SUGP2: variants seen among roughly 807,000 people sequenced by gnomAD.
SUGP2 encodes the protein SURP and G-patch domain-containing protein 2.
In SUGP2, 24 loss-of-function variants were observed where a neutral mutation model predicts 90.5. The observed-to-expected ratio is 0.27, with a 90% CI of 0.19 to 0.37. The LOEUF (loss-of-function observed/expected upper bound fraction) is 0.37. SUGP2 is among the 10% of genes least tolerant of loss of function. The pLI is 1.00. For synonymous variants in SUGP2, 473 were observed against 513.4 expected, an observed-to-expected ratio of 0.92 and a Z score of 1.06; for missense variants, 1,233 against 1,363.3, an observed-to-expected ratio of 0.90 and a Z score of 1.51.
chr19:18,997,279 G>A (rs2057637006), intron 8 of SUGP2, among the ~76,000 whole-genome samples: 1 of 151,904 alleles, frequency 6.6e-6, no homozygotes, highest in Admixed American at 6.6e-5. Context: ...GCTGAGCCTG[G>A]GGGAGCCAGG....
chr19:19,015,180 G>A (rs550294648), intron 4 of SUGP2, among the ~76,000 whole-genome samples: 1 of 150,122 alleles, frequency 6.7e-6, no homozygotes, highest in South Asian at 2.1e-4. Context: ...CCAGCCTGGG[G>A]GACAGAGCGA....
intron 4 of SUGP2, among the ~76,000 whole-genome samples, chr19:19,018,859 G>A (rs554935867): frequency 6.6e-6 from 1 of 152,244 alleles, no homozygotes; most frequent in African/African-American, 2.4e-5. Flanking sequence ...CCTTAAAACA[G>A]CCCAGCAGGG....
chr19:19,012,555 C>A (rs975012780), intron 4 of SUGP2, among the ~76,000 whole-genome samples: 3 of 152,206 alleles, frequency 2.0e-5, no homozygotes, highest in Non-Finnish European at 2.9e-5. Context: ...TAGCTGGGAA[C>A]CTTTCTGTGC....
Position 18,994,722 on chromosome 19 carries a change from C to G in SUGP2, c.3129-236G>C. The G allele has an allele frequency of 5.3e-6, 3 of 569,312 alleles. No homozygotes were observed. In the South Asian group the frequency reaches 6.4e-5, roughly 12 times the overall value. The allele number at this position is 569,312 out of a possible 1,614,324, so 35.3% of individuals were successfully genotyped here. A position where few individuals can be genotyped will look rare whatever the true frequency, so the allele number is the denominator to read the frequency against. ...CCTGGTTACCTCGGAATGCCTTACC[C>G]AGCAGGAACTAAGCTCAGTATTAAA... On this transcript the variant is annotated intron_variant, in intron 9 of 10. Coordinates refer to ENST00000452918, the MANE Select transcript of SUGP2 (RefSeq NM_001017392.5).
At position 19,008,418 on chromosome 19, in the gene SUGP2, C is replaced by T; in HGVS notation, c.2349G>A (p.Lys783=). 6.2e-7 allele frequency: 1 copy of T among 1,613,964 alleles called. No individual in the cohort carries two copies. Among genetic ancestry groups the T allele is most frequent in the Non-Finnish European group, 8.5e-7 (1 of 1,179,828 alleles). Residue 783 remains lysine (K), a synonymous_variant, in exon 6 of 11, where the codon AAG becomes AAA. Transcript: ENST00000452918. ...CCAGTTTCTCTGCAGTCTCCATTGT[C>T]TTCATGTCAACTACAAAACATAAAG... ...SPCPSADIDM[K]TMETAEKLAR...
rs755198966 is a variant in SUGP2, at chr19:19,031,254, C to T, written c.-11-172G>A. Reference sequence around the variant, plus strand: ...GAAACTAAAATACAAAAAATTCAGGCTGGGTGTGGTGGCTCACACCTGTAA... The same window carrying T: ...GAAACTAAAATACAAAAAATTCAGGTTGGGTGTGGTGGCTCACACCTGTAA... On this transcript the variant is annotated intron_variant, in intron 1 of 10. Transcript: ENST00000452918. 4.5e-6 allele frequency: 3 copies of T among 668,272 alleles called. No homozygotes were observed. In the East Asian group the frequency reaches 8.4e-5, roughly 19 times the overall value. The allele number at this position is 668,272 out of a possible 1,614,324, so 41.4% of individuals were successfully genotyped here.
At position 19,033,513 on chromosome 19, in the gene SUGP2, G is replaced by T; in HGVS notation, c.-88C>A. On this transcript the variant is annotated 5_prime_UTR_variant, in exon 1 of 11. Coordinates refer to ENST00000452918, the MANE Select transcript of SUGP2 (RefSeq NM_001017392.5). ...CCCGCCGCCGCCGCCGCGCGAGGCG[G>T]GGACATGCAAATGAACCAACGGTCT... The T allele has an allele frequency of 1.4e-6, 2 of 1,404,744 alleles. No individual in the cohort carries two copies. The highest frequency in any genetic ancestry group is 1.4e-5 in the South Asian group (1 of 73,956). The allele number at this position is 1,404,744 out of a possible 1,614,324, so 87.0% of individuals were successfully genotyped here.
At chr19:19,030,927 T>A (rs1026610275) in intron 2 of SUGP2, 24 bp downstream of exon 2, 5 of 1,600,242 alleles carry the variant, frequency 3.1e-6, no homozygotes, top group South Asian at 2.3e-5. Context: ...AAACAACAAC[T>A]ACAACAACAA....
In SUGP2 at chr19:19,024,567, T is replaced by C. The variant is rs2058850167; in HGVS notation, c.1729+52A>G. On this transcript the variant is annotated intron_variant, in intron 3 of 10. Transcript: ENST00000452918. ...TAAAAAAATCTCGAATAAAAGACAT[T>C]ACCAAAGAAACACGAAAAACAACAA... 5 of 1,541,742 alleles carry C rather than the reference T, an allele frequency of 3.2e-6. No individual in the cohort carries two copies. In the Admixed American group the frequency reaches 6.3e-5, roughly 19 times the overall value.
At chr19:19,003,288 C>T (rs1568391325) in intron 7 of SUGP2, among the ~76,000 whole-genome samples, 1 of 152,228 alleles carries the variant, frequency 6.6e-6, no homozygotes, top group East Asian at 1.9e-4. Flanking sequence ...CTGTTTAACA[C>T]AGTCCCACAA....
In SUGP2 at chr19:19,024,602, T is replaced by G. The variant is rs774701727; in HGVS notation, c.1729+17A>C. 5.7e-6 allele frequency: 9 copies of G among 1,576,954 alleles called. No homozygotes were observed. Among genetic ancestry groups the G allele is most frequent in the Non-Finnish European group, 6.9e-6 (8 of 1,163,352 alleles). On this transcript the variant is annotated intron_variant, in intron 3 of 10. Coordinates refer to ENST00000452918, the MANE Select transcript of SUGP2 (RefSeq NM_001017392.5). ...ACACGAAAAACAACAAATAGAAACT[T>G]TGGCTGATTTCCTTACCATCACTCA... is the stretch of plus-strand genomic sequence containing the variant.
Position 18,995,285 on chromosome 19 carries a change from GGAGA to G in SUGP2, c.2992-9_2992-6del. The G allele has an allele frequency of 6.2e-7, 1 of 1,600,164 alleles. No homozygotes were observed. Among genetic ancestry groups the G allele is most frequent in the Non-Finnish European group, 8.5e-7 (1 of 1,173,200 alleles). On this transcript the variant is annotated splice_region_variant and splice_polypyrimidine_tract_variant and intron_variant, in intron 8 of 10. Coordinates refer to ENST00000452918, the MANE Select transcript of SUGP2 (RefSeq NM_001017392.5). ...GAAGTCCAAGTCCTTGGGTTTCTGA[GGAGA>G]GAGGAGAGTCCAGGCATGTGGGCCA...
At chr19:19,003,602 C>T (rs2057936259) in intron 7 of SUGP2, 1 of 152,560 alleles carries the variant, frequency 6.6e-6, no homozygotes. Flanking sequence ...CTGGTGGGTT[C>T]TCGCCTCTGC....
intron 3 of SUGP2, among the ~76,000 whole-genome samples, chr19:19,020,089 G>T (rs972093058): frequency 6.7e-6 from 1 of 150,272 alleles, no homozygotes; most frequent in African/African-American, 2.4e-5. Context: ...AAAAAGGTCA[G>T]TGATCCCAAA....
intron 4 of SUGP2, among the ~76,000 whole-genome samples, chr19:19,017,927 CTT>C (rs1264966084): frequency 2.8e-4 from 39 of 139,988 alleles, no homozygotes; most frequent in Non-Finnish European, 2.5e-4. Flanking sequence ...CTGATCATCA[CTT>C]TTTTTTTTTT....
chr19:19,010,603 C>T (rs557432873), intron 4 of SUGP2, among the ~76,000 whole-genome samples: 3 of 152,170 alleles, frequency 2.0e-5, no homozygotes, highest in Non-Finnish European at 4.4e-5. Flanking sequence ...GCTCCCAGCT[C>T]TTGATGGCCT....
intron 10 of SUGP2, 182 bp downstream of exon 10, chr19:18,994,184 G>A: frequency 2.5e-6 from 2 of 802,574 alleles, no homozygotes; most frequent in South Asian, 1.9e-5. Context: ...AAACCTGGAA[G>A]GTAAGAATGG....
At chr19:19,028,229 G>A (rs2059009228) in intron 2 of SUGP2, among the ~76,000 whole-genome samples, 1 of 152,146 alleles carries the variant, frequency 6.6e-6, no homozygotes, top group Non-Finnish European at 1.5e-5. Context: ...CCCAGGTGAC[G>A]CTAACGTGCT....
chr19:18,996,931 G>A (rs2057618607), intron 8 of SUGP2, among the ~76,000 whole-genome samples: 1 of 152,138 alleles, frequency 6.6e-6, no homozygotes, highest in African/African-American at 2.4e-5. Context: ...GAGGGAGGGA[G>A]GAAGGTGCTG....
Sources: allele counts gnomAD v4.1 joint callset (sites outside exome capture counted in the v4.1 genomes callset), GRCh38; gene constraint gnomAD v4.1.1; transcripts MANE v1.5; gene names NCBI Gene and HGNC (gene_info 2026-07-23, HGNC 2026-07-21).